CSMD1: variants seen among roughly 807,000 people sequenced by gnomAD.
The protein encoded by CSMD1 is CUB and Sushi multiple domains 1.
In CSMD1, 213 loss-of-function variants were observed where a neutral mutation model predicts 417.5. That is an observed-to-expected ratio of 0.51 (90% CI 0.46 to 0.57). The LOEUF is 0.57. Ranked by LOEUF, CSMD1 falls within the 20% of genes least tolerant of loss-of-function variation. CSMD1 has a pLI of 0.00. For missense variants in CSMD1, 6,923 were observed against 4,529.7 expected (o/e 1.53, Z -15.17); for synonymous variants, 2,862 against 1,736.8 (o/e 1.65, Z -16.11).
chr8:3,903,259 G>C (rs1807883502), intron 5 of CSMD1, among the ~76,000 whole-genome samples: 2 of 151,924 alleles, frequency 1.3e-5, no homozygotes, highest in Admixed American at 1.3e-4. Context: ...TGTCGGGTCA[G>C]AACTGGTTTT....
chr8:4,289,889 G>C (rs1032607222), intron 3 of CSMD1, among the ~76,000 whole-genome samples: 4 of 152,130 alleles, frequency 2.6e-5, no homozygotes, highest in South Asian at 2.1e-4. Context: ...ATGAAAACAG[G>C]AATGAATCAA....
intron 10 of CSMD1, among the ~76,000 whole-genome samples, chr8:3,528,292 G>A (rs1454610717): frequency 6.6e-6 from 1 of 152,214 alleles, no homozygotes; most frequent in African/African-American, 2.4e-5. Flanking sequence ...CCACTGAGGT[G>A]TTTTGCTAAT....
chr8:3,154,718 C>G (rs1398617158), intron 39 of CSMD1, among the ~76,000 whole-genome samples: 1 of 152,136 alleles, frequency 6.6e-6, no homozygotes, highest in African/African-American at 2.4e-5. Flanking sequence ...TATAAATATT[C>G]AAAACAGTCA....
chr8:4,174,175 G>A (rs1169886538), intron 3 of CSMD1, among the ~76,000 whole-genome samples: 1 of 152,142 alleles, frequency 6.6e-6, no homozygotes, highest in Non-Finnish European at 1.5e-5. Flanking sequence ...AGAGGAGAAT[G>A]TTAAACTACT....
intron 1 of CSMD1, among the ~76,000 whole-genome samples, chr8:4,904,582 G>C (rs1164116269): frequency 2.0e-5 from 3 of 152,024 alleles, no homozygotes; most frequent in African/African-American, 7.2e-5. Context: ...AACACATATA[G>C]TGAATATCAT....
intron 3 of CSMD1, among the ~76,000 whole-genome samples, chr8:4,059,533 G>C (rs193143830): frequency 0.016 from 2,475 of 152,020 alleles, 32 homozygotes; most frequent in East Asian, 0.088. Flanking sequence ...CAACAAAATT[G>C]ATAGACTGCT....
At chr8:4,488,451 G>C (rs1801529333) in intron 2 of CSMD1, among the ~76,000 whole-genome samples, 1 of 152,044 alleles carries the variant, frequency 6.6e-6, no homozygotes, top group African/African-American at 2.4e-5. Flanking sequence ...GAAGTAGTAT[G>C]CTCAAATGAA....
chr8:4,978,015 G>T (rs947712647), intron 1 of CSMD1, among the ~76,000 whole-genome samples: 2 of 152,156 alleles, frequency 1.3e-5, no homozygotes, highest in East Asian at 1.9e-4. Flanking sequence ...GGCCACAATC[G>T]ATGTGAGAGA....
chr8:3,314,717 G>A (rs991810038), intron 23 of CSMD1, among the ~76,000 whole-genome samples: 8 of 152,134 alleles, frequency 5.3e-5, no homozygotes, highest in African/African-American at 1.4e-4. Context: ...CATGAATTAC[G>A]CAGTCTTAAT....
chr8:3,754,090 C>G, intron 5 of CSMD1, 48 bp from the exon 6 acceptor site: 2 of 1,272,980 alleles, frequency 1.6e-6, no homozygotes, highest in Non-Finnish European at 2.3e-6. Context: ...ACCAACAGAG[C>G]AAATGTCCTA....
intron 3 of CSMD1, among the ~76,000 whole-genome samples, chr8:4,196,974 C>T (rs935743787): frequency 6.6e-6 from 1 of 152,080 alleles, no homozygotes; most frequent in Non-Finnish European, 1.5e-5. Context: ...TGAGCCTCAC[C>T]GCCCCTCACA....
intron 44 of CSMD1, 136 bp downstream of exon 44, chr8:3,108,467 G>A: frequency 2.7e-6 from 2 of 752,092 alleles, no homozygotes. Context: ...GGAAACGCTG[G>A]CCTCCAGTGC....
At chr8:4,794,680 T>C (rs6986167) in intron 1 of CSMD1, among the ~76,000 whole-genome samples, 136,098 of 152,220 alleles carry the variant, frequency 0.89, 61,916 homozygotes, top group Non-Finnish European at 0.98. Flanking sequence ...CTGACTGCTA[T>C]TGGCCCATCT....
At chr8:4,028,255 T>A (rs1404962531) in intron 4 of CSMD1, among the ~76,000 whole-genome samples, 1 of 152,156 alleles carries the variant, frequency 6.6e-6, no homozygotes, top group African/African-American at 2.4e-5. Context: ...TAACATCTAT[T>A]AGCACAAATA....
chr8:3,043,669 A>T (rs1811254393), intron 50 of CSMD1: 1 of 152,156 alleles, frequency 6.6e-6, no homozygotes, highest in Non-Finnish European at 1.5e-5. Context: ...GGTTTTTTTC[A>T]TGCAAAAATC....
intron 3 of CSMD1, among the ~76,000 whole-genome samples, chr8:4,362,343 A>C (rs555167798): frequency 6.6e-6 from 1 of 152,282 alleles, no homozygotes; most frequent in East Asian, 1.9e-4. Context: ...TGAGACCCCA[A>C]GCTCATCTGT....
At chr8:4,681,799 A>T (rs1806069753) in intron 1 of CSMD1, among the ~76,000 whole-genome samples, 1 of 152,166 alleles carries the variant, frequency 6.6e-6, no homozygotes, top group Admixed American at 6.5e-5. Context: ...TATCTAAATA[A>T]TTTTAAGAAA....
At chr8:4,908,776 T>A (rs1337813119) in intron 1 of CSMD1, among the ~76,000 whole-genome samples, 1 of 152,092 alleles carries the variant, frequency 6.6e-6, no homozygotes, top group Non-Finnish European at 1.5e-5. Flanking sequence ...TGTTTCTGCT[T>A]GCATAGCTTA....
chr8:2,967,206 T>C (rs1178787978), intron 57 of CSMD1, among the ~76,000 whole-genome samples: 1 of 152,246 alleles, frequency 6.6e-6, no homozygotes, highest in East Asian at 1.9e-4. Context: ...ATTCAGGTCC[T>C]ATTTTACATC....
Sources: allele counts gnomAD v4.1 joint callset (sites outside exome capture counted in the v4.1 genomes callset), GRCh38; gene constraint gnomAD v4.1.1; transcripts MANE v1.5; gene names NCBI Gene and HGNC (gene_info 2026-07-23, HGNC 2026-07-21).